ZBTB7C: variants seen among roughly 807,000 people sequenced by gnomAD.
ZBTB7C encodes the protein zinc finger and BTB domain-containing protein 7C.
A neutral mutation model predicts 25.7 loss-of-function variants in ZBTB7C; 8 were observed. The observed-to-expected ratio is 0.31, with a 90% CI of 0.18 to 0.56. The LOEUF (loss-of-function observed/expected upper bound fraction) is 0.56. Among genes scored for constraint, ZBTB7C ranks in the 20% least tolerant of loss-of-function variants. The pLI, the probability that ZBTB7C is intolerant of heterozygous loss-of-function variation, is 0.91. For missense variants in ZBTB7C, 824 were observed against 855.2 expected (o/e 0.96, Z 0.46); for synonymous variants, 394 against 369.0 (o/e 1.07, Z -0.78).
At chr18:48,200,341 G>A (rs999982860) in intron 2 of ZBTB7C, among the ~76,000 whole-genome samples, 3 of 151,892 alleles carry the variant, frequency 2.0e-5, no homozygotes, top group Non-Finnish European at 4.4e-5. Context: ...TTTTGCCTTG[G>A]TGAAGGGCCT....
At chr18:48,384,379 A>G (rs572745903) in intron 1 of ZBTB7C, among the ~76,000 whole-genome samples, 1 of 152,368 alleles carries the variant, frequency 6.6e-6, no homozygotes, top group South Asian at 2.1e-4. Context: ...TGAGGGATTC[A>G]GAACACGACT....
chr18:48,098,593 G>A (rs1270346546), intron 3 of ZBTB7C, among the ~76,000 whole-genome samples: 1 of 152,088 alleles, frequency 6.6e-6, no homozygotes, highest in Non-Finnish European at 1.5e-5. Flanking sequence ...CATTCTACCC[G>A]CCTAATTTCC....
At chr18:48,321,090 AC>A (rs1357505610) in intron 2 of ZBTB7C, among the ~76,000 whole-genome samples, 1 of 152,174 alleles carries the variant, frequency 6.6e-6, no homozygotes, top group Non-Finnish European at 1.5e-5. Context: ...CCTGAGTCTC[AC>A]CCCACGACTG....
intron 3 of ZBTB7C, among the ~76,000 whole-genome samples, chr18:48,161,772 GGCGCCCCGCCCTCTCCCTCCACTCT>G (rs1453349878): frequency 2.1e-5 from 3 of 144,094 alleles, no homozygotes; most frequent in South Asian, 2.2e-4. Flanking sequence ...CCCCTTCCCG[GGCGCCCCGCCCTCTCCCTCCACTCT>G]GCGCCCCCGC....
intron 3 of ZBTB7C, among the ~76,000 whole-genome samples, chr18:48,134,896 A>G (rs2040098300): frequency 6.6e-6 from 1 of 152,246 alleles, no homozygotes; most frequent in Non-Finnish European, 1.5e-5. Flanking sequence ...CACTTGGGGC[A>G]GAGGCTGACT....
chr18:48,161,623 C>T (rs370731708), intron 3 of ZBTB7C, among the ~76,000 whole-genome samples: 18 of 152,064 alleles, frequency 1.2e-4, no homozygotes, highest in African/African-American at 3.9e-4. Flanking sequence ...ACAGCCGCTC[C>T]GCCCGGCCAC....
intron 3 of ZBTB7C, chr18:48,149,306 A>C (rs1465279591): frequency 6.6e-6 from 1 of 152,464 alleles, no homozygotes; most frequent in Non-Finnish European, 1.5e-5. Context: ...CTAGATGGGG[A>C]AGGGGTGAGC....
chr18:48,392,916 A>G (rs543405915), intron 1 of ZBTB7C, among the ~76,000 whole-genome samples: 20 of 152,244 alleles, frequency 1.3e-4, no homozygotes, highest in African/African-American at 4.8e-4. Flanking sequence ...TCTCAGCTCT[A>G]CTGCTGACCA....
chr18:48,186,018 G>C (rs2042044498), intron 2 of ZBTB7C, 23 bp from the exon 3 acceptor site: 1 of 152,266 alleles, frequency 6.6e-6, no homozygotes, highest in African/African-American at 2.4e-5. Flanking sequence ...GAAAGGGACG[G>C]AGAATCATAT....
At chr18:48,086,816 T>C (rs1225918643) in intron 3 of ZBTB7C, among the ~76,000 whole-genome samples, 1 of 152,240 alleles carries the variant, frequency 6.6e-6, no homozygotes, top group African/African-American at 2.4e-5. Context: ...CAAACGCTTG[T>C]ATGTTTACCA....
intron 2 of ZBTB7C, among the ~76,000 whole-genome samples, chr18:48,229,621 A>C (rs1353953721): frequency 2.0e-5 from 3 of 152,226 alleles, no homozygotes. Context: ...TCGCTTAATA[A>C]TTTAATGCCT....
intron 2 of ZBTB7C, among the ~76,000 whole-genome samples, chr18:48,289,902 G>A (rs941469199): frequency 6.6e-6 from 1 of 152,128 alleles, no homozygotes; most frequent in African/African-American, 2.4e-5. Context: ...CAGATACAAC[G>A]TGGATTCTCA....
intron 2 of ZBTB7C, among the ~76,000 whole-genome samples, chr18:48,192,446 T>C (rs915271057): frequency 6.6e-6 from 1 of 152,220 alleles, no homozygotes; most frequent in Non-Finnish European, 1.5e-5. Flanking sequence ...TGAACTCCAG[T>C]GTAAACGGTT....
chr18:48,307,942 G>A (rs1249551779), intron 2 of ZBTB7C, among the ~76,000 whole-genome samples: 2 of 152,216 alleles, frequency 1.3e-5, no homozygotes, highest in African/African-American at 2.4e-5. Flanking sequence ...TGGAAGCCAT[G>A]CATAGACTAC....
intron 3 of ZBTB7C, chr18:48,162,466 G>A (rs1183418335): frequency 4.4e-6 from 2 of 449,462 alleles, no homozygotes; most frequent in East Asian, 1.4e-4. Flanking sequence ...GCACATAATA[G>A]GGACTTCATA....
At chr18:48,321,127 C>T (rs995523067) in intron 2 of ZBTB7C, among the ~76,000 whole-genome samples, 4 of 152,248 alleles carry the variant, frequency 2.6e-5, no homozygotes, top group Admixed American at 6.5e-5. Flanking sequence ...CATATAGCCT[C>T]GGCACTGGAA....
intron 2 of ZBTB7C, among the ~76,000 whole-genome samples, chr18:48,260,089 A>G (rs998991761): frequency 2.6e-5 from 4 of 152,366 alleles, no homozygotes; most frequent in African/African-American, 9.6e-5. Flanking sequence ...GTAATAGCCC[A>G]AAACTGGAAA....
At chr18:48,367,169 C>A (rs1364732689) in intron 1 of ZBTB7C, among the ~76,000 whole-genome samples, 2 of 64,066 alleles carry the variant, frequency 3.1e-5, no homozygotes, top group Admixed American at 3.7e-4. Flanking sequence ...TTCTTCTCCC[C>A]AAGTTTTATA....
chr18:48,391,163 G>A (rs1417312940), intron 1 of ZBTB7C, among the ~76,000 whole-genome samples: 21 of 152,196 alleles, frequency 1.4e-4, no homozygotes, highest in Admixed American at 1.4e-3. Context: ...TGGCATCTGG[G>A]TGACCGCCGC....
Sources: gnomAD v4.1 joint callset for allele counts (sites outside exome capture counted in the v4.1 genomes callset) on GRCh38, gnomAD v4.1.1 for gene constraint, MANE v1.5 for transcripts, NCBI Gene and HGNC (gene_info 2026-07-23, HGNC 2026-07-21) for gene names.